AFF4: variants seen among roughly 807,000 people sequenced by gnomAD.
The protein encoded by AFF4 is ALF transcription elongation factor 4, also known as AF4/FMR2 family member 4.
AFF4 carries 13 observed loss-of-function variants against 124.8 expected under a neutral mutation model. The ratio of observed to expected loss-of-function variants is 0.10; its 90% confidence interval spans 0.07 to 0.17. AFF4 has a LOEUF of 0.17. Ranked by LOEUF, AFF4 falls within the 10% of genes least tolerant of loss-of-function variation. The pLI is 1.00. For synonymous variants in AFF4, 477 were observed against 496.1 expected, an observed-to-expected ratio of 0.96 and a Z score of 0.51; for missense variants, 1,092 against 1,403.8, an observed-to-expected ratio of 0.78 and a Z score of 3.55.
chr5:132,902,821 C>A (rs561498349), intron 6 of AFF4, among the ~76,000 whole-genome samples: 1 of 152,048 alleles, frequency 6.6e-6, no homozygotes, highest in African/African-American at 2.4e-5. Context: ...GAGGAATACA[C>A]GAACACACAA....
intron 4 of AFF4, among the ~76,000 whole-genome samples, chr5:132,931,681 C>T (rs560796825): frequency 3.3e-5 from 5 of 152,312 alleles, no homozygotes; most frequent in Admixed American, 6.5e-5. Flanking sequence ...CGCGGCCAGG[C>T]GCGGTGACTC....
At chr5:132,894,854 TGAG>T (rs1221287583) in intron 11 of AFF4, among the ~76,000 whole-genome samples, 2 of 152,092 alleles carry the variant, frequency 1.3e-5, no homozygotes, top group African/African-American at 4.8e-5. Flanking sequence ...CTTGGGAGGC[TGAG>T]GAGGGAGGAT....
intron 13 of AFF4, among the ~76,000 whole-genome samples, chr5:132,889,759 C>T (rs1326674775): frequency 1.3e-5 from 2 of 152,114 alleles, no homozygotes; most frequent in Non-Finnish European, 2.9e-5. Context: ...CTTCAAAAGC[C>T]TAGTTACTTT....
intron 1 of AFF4, among the ~76,000 whole-genome samples, chr5:132,959,757 CT>C (rs1163731664): frequency 0.092 from 6,557 of 71,424 alleles, 46 homozygotes; most frequent in Middle Eastern, 0.16. Flanking sequence ...GAGTGCTTTT[CT>C]TTTTTTTTTT....
At chr5:132,919,252 T>C (rs1760984991) in intron 5 of AFF4, among the ~76,000 whole-genome samples, 1 of 152,188 alleles carries the variant, frequency 6.6e-6, no homozygotes, top group African/African-American at 2.4e-5. Context: ...ACTAATATAA[T>C]TTGAGGATTT....
chr5:132,892,526 CAT>C, intron 12 of AFF4, 122 bp from the exon 13 acceptor site: 1 of 1,354,706 alleles, frequency 7.4e-7, no homozygotes, highest in African/African-American at 1.5e-5. Context: ...TACTAGGACA[CAT>C]GATTTCTATA....
intron 1 of AFF4, among the ~76,000 whole-genome samples, chr5:132,939,229 A>AC (rs1761509946): frequency 6.6e-6 from 1 of 151,756 alleles, no homozygotes. Flanking sequence ...AAAAAAAAAA[A>AC]AAAGAATGTT....
At chr5:132,899,459 C>A in intron 8 of AFF4, 128 bp downstream of exon 8, 1 of 889,080 alleles carries the variant, frequency 1.1e-6, no homozygotes, top group Non-Finnish European at 1.6e-6. Context: ...AAAACTACAA[C>A]ATTTCAGTGT....
intron 20 of AFF4, 104 bp downstream of exon 20, chr5:132,883,236 T>G: frequency 9.3e-7 from 1 of 1,071,276 alleles, no homozygotes; most frequent in East Asian, 2.6e-5. Context: ...TATCATTAAC[T>G]CTAAATAATA....
intron 1 of AFF4, among the ~76,000 whole-genome samples, chr5:132,960,118 G>T (rs67712424): frequency 0.11 from 16,109 of 152,090 alleles, 912 homozygotes; most frequent in Middle Eastern, 0.2. Context: ...GTTAGCTTTA[G>T]GCAGTCTTTA....
intron 1 of AFF4, among the ~76,000 whole-genome samples, chr5:132,938,429 C>T (rs575043417): frequency 3.3e-5 from 5 of 151,788 alleles, no homozygotes; most frequent in African/African-American, 2.4e-5. Flanking sequence ...CAATGGCTGG[C>T]TAATTTTTTT....
chr5:132,961,450 C>A (rs1453317565), intron 1 of AFF4, among the ~76,000 whole-genome samples: 1 of 152,060 alleles, frequency 6.6e-6, no homozygotes, highest in Non-Finnish European at 1.5e-5. Context: ...CTCCTGACCT[C>A]AGGTGATCCG....
chr5:132,903,254 TA>T (rs139009863), intron 6 of AFF4, among the ~76,000 whole-genome samples: 17,495 of 152,248 alleles, frequency 0.11, 1,271 homozygotes, highest in South Asian at 0.2. Context: ...CTTTTTCCTG[TA>T]AGCTACGGCC....
At chr5:132,905,967 G>A (rs1028112420) in intron 5 of AFF4, among the ~76,000 whole-genome samples, 13 of 152,098 alleles carry the variant, frequency 8.5e-5, no homozygotes, top group African/African-American at 2.9e-4. Flanking sequence ...AACAGGAAAA[G>A]GGCCTGAATA....
intron 2 of AFF4, among the ~76,000 whole-genome samples, chr5:132,936,526 T>C (rs1761435665): frequency 1.3e-5 from 2 of 152,126 alleles, no homozygotes; most frequent in Non-Finnish European, 2.9e-5. Flanking sequence ...AAGTAGCAAA[T>C]GGCAGTGAGA....
chr5:132,911,895 T>C (rs1302663620), intron 5 of AFF4, among the ~76,000 whole-genome samples: 2 of 145,760 alleles, frequency 1.4e-5, no homozygotes, highest in Non-Finnish European at 3.0e-5. Context: ...ATGACAACAA[T>C]GTACATATCA....
rs1366103379 is a variant in AFF4 at position 132,919,922 on chromosome 5, T to A, written c.1050+7199A>T. Among the ~76,000 whole-genome samples, 4 of 151,536 alleles carry A rather than the reference T, an allele frequency of 2.6e-5. No homozygotes were observed. The East Asian group carries it at 7.7e-4, about 29-fold the overall frequency. ...GCAGGAAGCAGAGGAGGTGGGATGGTCACCTGAGCCCACAAGTTCAAGACT... is the reference window on the plus strand; with the variant it reads ...GCAGGAAGCAGAGGAGGTGGGATGGACACCTGAGCCCACAAGTTCAAGACT... On this transcript the variant is annotated intron_variant, in intron 5 of 20. Coordinates refer to ENST00000265343, the MANE Select transcript of AFF4 (RefSeq NM_014423.4).
chr5:132,945,172 A>C (rs1376795601), intron 1 of AFF4: 1 of 152,618 alleles, frequency 6.6e-6, no homozygotes, highest in Non-Finnish European at 1.5e-5. Flanking sequence ...ATAACAGTGC[A>C]TGGTGAAATC....
intron 1 of AFF4, chr5:132,945,371 A>G (rs979328710): frequency 2.6e-5 from 4 of 152,196 alleles, no homozygotes; most frequent in Non-Finnish European, 4.4e-5. Flanking sequence ...AGTTATCTCA[A>G]CTGATTGTTC....
Sources: allele counts gnomAD v4.1 joint callset (sites outside exome capture counted in the v4.1 genomes callset), GRCh38; gene constraint gnomAD v4.1.1; transcripts MANE v1.5; gene names NCBI Gene and HGNC (gene_info 2026-07-23, HGNC 2026-07-21).